NSMAF: variants seen among roughly 807,000 people sequenced by gnomAD.
NSMAF encodes the protein protein FAN.
A neutral mutation model predicts 134.9 loss-of-function variants in NSMAF; 90 were observed. That is an observed-to-expected ratio of 0.67 (90% CI 0.56 to 0.79). NSMAF has a LOEUF of 0.79. Among genes scored for constraint, NSMAF ranks in the 30% least tolerant of loss-of-function variants. The probability of loss-of-function intolerance (pLI) is 0.00; values close to 1 mark genes in which losing one functional copy is unlikely to be tolerated. For synonymous variants in NSMAF, 358 were observed against 389.6 expected (o/e 0.92, Z 0.96); for missense variants, 1,010 against 1,119.0 (o/e 0.90, Z 1.39).
intron 22 of NSMAF, chr8:58,594,535 CT>C: frequency 4.0e-6 from 2 of 494,574 alleles, no homozygotes; most frequent in Non-Finnish European, 3.6e-6. Context: ...ACATGCAATG[CT>C]TTACATATTC....
chr8:58,637,979 TAACAGA>T (rs1328621824), intron 2 of NSMAF, among the ~76,000 whole-genome samples: 1 of 152,202 alleles, frequency 6.6e-6, no homozygotes, highest in Non-Finnish European at 1.5e-5. Context: ...ATGGCATTTT[TAACAGA>T]AACAGAAAAA....
chr8:58,646,036 C>T (rs1451058048), intron 1 of NSMAF, among the ~76,000 whole-genome samples: 3 of 151,602 alleles, frequency 2.0e-5, no homozygotes, highest in African/African-American at 4.9e-5. Flanking sequence ...AGCGAGACTC[C>T]GTCTCAAAAT....
chr8:58,657,265 G>C (rs186340605), intron 1 of NSMAF, among the ~76,000 whole-genome samples: 3 of 152,282 alleles, frequency 2.0e-5, no homozygotes, highest in Non-Finnish European at 4.4e-5. Flanking sequence ...CTCATTTCAA[G>C]TTTCTTTTCT....
At chr8:58,656,077 G>C (rs1807702965) in intron 1 of NSMAF, among the ~76,000 whole-genome samples, 1 of 151,830 alleles carries the variant, frequency 6.6e-6, no homozygotes, top group African/African-American at 2.4e-5. Context: ...GGAGTGCAAT[G>C]GCACCATCTC....
chr8:58,614,133 T>A (rs763540516), intron 9 of NSMAF, among the ~76,000 whole-genome samples: 3 of 152,068 alleles, frequency 2.0e-5, no homozygotes, highest in Non-Finnish European at 4.4e-5. Context: ...TCTCACAACA[T>A]ATGAGGCGGG....
In NSMAF at chr8:58,635,307, T is replaced by C. The variant is rs139863054; in HGVS notation, c.294A>G (p.Thr98=). The change falls in exon 4 of 31, where the codon ACA becomes ACG. Residue 98 remains threonine, a splice_region_variant and synonymous_variant. Transcript: ENST00000038176. ...AAACAGTGGTGAAAATGACATACTT[T>C]GTGAAGTGTCTATTGGCTCCATTTT... is the stretch of plus-strand genomic sequence containing the variant. The part of the protein sequence containing the change: ...HGENGANRHF[T]KAKSGGISLI... 4.5e-5 allele frequency: 73 copies of C among 1,611,040 alleles called. No homozygotes were observed. Among genetic ancestry groups the C allele is most frequent in the East Asian group, 3.3e-4 (15 of 44,782 alleles).
intron 19 of NSMAF, among the ~76,000 whole-genome samples, chr8:58,598,987 C>T (rs111387497): frequency 0.067 from 10,213 of 152,186 alleles, 967 homozygotes; most frequent in African/African-American, 0.21. Flanking sequence ...GATTGTGTCA[C>T]TGCACTCCAG....
At chr8:58,632,012 T>C (rs1010026370) in intron 5 of NSMAF, among the ~76,000 whole-genome samples, 6 of 152,158 alleles carry the variant, frequency 3.9e-5, no homozygotes, top group African/African-American at 1.2e-4. Context: ...TTAATAACTA[T>C]GTGGAATAAG....
Position 58,587,677 on chromosome 8 carries a change from T to A in NSMAF, c.2236A>T (p.Met746Leu), listed in dbSNP as rs1805921765. Residue 746 changes from methionine (M) to leucine (L), a missense_variant, in exon 27 of 31, where the codon ATG becomes TTG. Met to Leu is a conservative substitution (Grantham distance 15). Coordinates refer to ENST00000038176, the MANE Select transcript of NSMAF (RefSeq NM_003580.4). ...VKVWSGVPAE[M>L]PGTKRHHFDL... Reference sequence around the variant, plus strand: ...AAGTGGTGTCTTTTGGTGCCTGGCATCTCTGCAGGAACACCAGACCACACC... The same window carrying A: ...AAGTGGTGTCTTTTGGTGCCTGGCAACTCTGCAGGAACACCAGACCACACC... 6.2e-7 allele frequency: 1 copy of A among 1,614,022 alleles called. No homozygotes were observed. Among genetic ancestry groups the A allele is most frequent in the African/African-American group, 1.3e-5 (1 of 74,914 alleles).
intron 6 of NSMAF, among the ~76,000 whole-genome samples, chr8:58,630,860 T>C (rs1807042318): frequency 6.6e-6 from 1 of 152,194 alleles, no homozygotes; most frequent in South Asian, 2.1e-4. Flanking sequence ...TGCCCACAAA[T>C]GGTGGCTTTT....
chr8:58,590,956 G>C, intron 23 of NSMAF, 22 bp from the exon 24 acceptor site: 1 of 1,559,602 alleles, frequency 6.4e-7, no homozygotes, highest in Non-Finnish European at 8.7e-7. Flanking sequence ...ATGAGAAGTA[G>C]ATATATAAGA....
chr8:58,585,565 A>C lies in NSMAF; in HGVS notation c.2659+87T>G, dbSNP rs545114802. 6.0e-6 allele frequency: 6 copies of C among 996,842 alleles called. No homozygotes were observed. The African/African-American group carries it at 7.6e-5, about 13-fold the overall frequency. 61.7% of individuals were successfully genotyped at this position (996,842 alleles called of 1,614,324 possible). A position where few individuals can be genotyped will look rare whatever the true frequency, so the allele number is the denominator to read the frequency against. ...GAAAAACCATGGGTGTTTTTTGCCCAAAAAGAGTATGTTCCCTGATGGAAA... is the reference window on the plus strand; with the variant it reads ...GAAAAACCATGGGTGTTTTTTGCCCCAAAAGAGTATGTTCCCTGATGGAAA... On this transcript the variant is annotated intron_variant, in intron 30 of 30. Transcript: ENST00000038176.
At chr8:58,611,907 T>C (rs1806538350) in intron 9 of NSMAF, among the ~76,000 whole-genome samples, 1 of 152,220 alleles carries the variant, frequency 6.6e-6, no homozygotes, top group African/African-American at 2.4e-5. Context: ...TATCAGTTCA[T>C]AGATGCATGT....
intron 18 of NSMAF, 30 bp downstream of exon 18, chr8:58,599,720 A>G (rs775327392): frequency 2.8e-5 from 45 of 1,604,556 alleles, no homozygotes; most frequent in South Asian, 1.1e-4. Context: ...AAGCATGTCT[A>G]TAATACAACA....
Position 58,599,884 on chromosome 8 carries a change from G to A in NSMAF, c.1333-14C>T. 6.2e-7 allele frequency: 1 copy of A among 1,610,590 alleles called. No homozygotes were observed. Among genetic ancestry groups the A allele is most frequent in the East Asian group, 2.2e-5 (1 of 44,824 alleles). ...TTCTGGAATTAACTGAAAGTTTCGGGGAAAAATAAAAAAGAACAACAAACA... is the reference window on the plus strand; with the variant it reads ...TTCTGGAATTAACTGAAAGTTTCGGAGAAAAATAAAAAAGAACAACAAACA... On this transcript the variant is annotated splice_polypyrimidine_tract_variant and intron_variant, in intron 17 of 30. Transcript: ENST00000038176.
chr8:58,652,526 GA>G (rs1807609222), intron 1 of NSMAF, among the ~76,000 whole-genome samples: 1 of 152,170 alleles, frequency 6.6e-6, no homozygotes, highest in Non-Finnish European at 1.5e-5. Context: ...TGGGATGAGT[GA>G]GCCAAGGTTC....
chr8:58,594,464 C>T (rs1341465292), intron 22 of NSMAF, 174 bp from the exon 23 acceptor site: 1 of 613,118 alleles, frequency 1.6e-6, no homozygotes, highest in Non-Finnish European at 2.9e-6. Context: ...TTGGCACCTT[C>T]TAACGTTCTG....
chr8:58,605,359 C>T (rs1175440753), intron 12 of NSMAF, among the ~76,000 whole-genome samples: 2 of 152,146 alleles, frequency 1.3e-5, no homozygotes, highest in East Asian at 1.9e-4. Flanking sequence ...CTCACTGCCT[C>T]GCAGTACAAA....
At position 58,585,606 on chromosome 8, in the gene NSMAF, C is replaced by A. The variant is rs373064728; in HGVS notation, c.2659+46G>T. ...CTGATGGAAAAGGCAGGCTTGAGTT[C>A]ATTATCTTGAGAACAAAGATCAAGG... On this transcript the variant is annotated intron_variant, in intron 30 of 30. Coordinates refer to ENST00000038176, the MANE Select transcript of NSMAF (RefSeq NM_003580.4). The A allele has an allele frequency of 5.1e-6, 7 of 1,367,378 alleles. No homozygotes were observed. The South Asian group carries it at 5.8e-5, about 11-fold the overall frequency. The allele number at this position is 1,367,378 out of a possible 1,614,324, so 84.7% of individuals were successfully genotyped here.
Sources: allele counts gnomAD v4.1 joint callset (sites outside exome capture counted in the v4.1 genomes callset), GRCh38; gene constraint gnomAD v4.1.1; transcripts MANE v1.5; gene names NCBI Gene and HGNC (gene_info 2026-07-23, HGNC 2026-07-21).